The following RFX4 variants were observed in gnomAD, a reference collection of about 807,000 sequenced individuals.
The protein encoded by RFX4 is regulatory factor X4, also known as transcription factor RFX4.
Under a neutral mutation model 95.0 loss-of-function variants are expected in RFX4, and 10 were observed. The observed-to-expected ratio is 0.11, with a 90% CI of 0.06 to 0.18. RFX4 has a LOEUF of 0.18. Ranked by LOEUF, RFX4 falls within the 10% of genes least tolerant of loss-of-function variation. The probability of loss-of-function intolerance (pLI) is 1.00; values close to 1 mark genes in which losing one functional copy is unlikely to be tolerated. For synonymous variants in RFX4, 321 were observed against 340.7 expected (o/e 0.94, Z 0.64); for missense variants, 640 against 922.0 (o/e 0.69, Z 3.96).
intron 3 of RFX4, among the ~76,000 whole-genome samples, chr12:106,643,488 C>T (rs2040678534): frequency 6.6e-6 from 1 of 152,054 alleles, no homozygotes; most frequent in Admixed American, 6.5e-5. Context: ...AACATGTGAC[C>T]TCCTACGTAA....
chr12:106,646,041 T>G, intron 3 of RFX4: 1 of 902,204 alleles, frequency 1.1e-6, no homozygotes, highest in African/African-American at 1.7e-5. Flanking sequence ...TTTTGTGCTG[T>G]GGGTAAATGT....
chr12:106,713,732 A>G (rs1156563758), intron 10 of RFX4, among the ~76,000 whole-genome samples: 1 of 152,120 alleles, frequency 6.6e-6, no homozygotes, highest in Admixed American at 6.6e-5. Context: ...TTAAGAGGTA[A>G]GCACTAAGGC....
chr12:106,686,839 C>CT (rs56287989), intron 5 of RFX4, 45 bp from the exon 6 acceptor site: 57,377 of 1,322,244 alleles, frequency 0.043, 1 homozygote, highest in Non-Finnish European at 0.047. Context: ...GGGTCTCTCT[C>CT]TTTTTTTTTT....
At chr12:106,659,602 A>G (rs1241965966) in intron 4 of RFX4, among the ~76,000 whole-genome samples, 1 of 152,232 alleles carries the variant, frequency 6.6e-6, no homozygotes, top group Non-Finnish European at 1.5e-5. Flanking sequence ...GGCTTTCTGT[A>G]TACCTGGTAC....
intron 4 of RFX4, among the ~76,000 whole-genome samples, chr12:106,663,316 G>T (rs1160867825): frequency 6.6e-6 from 1 of 151,998 alleles, no homozygotes; most frequent in African/African-American, 2.4e-5. Flanking sequence ...TTGAGGGGAT[G>T]CTAACATAAA....
At chr12:106,605,703 A>C (rs1166087713) in intron 1 of RFX4, among the ~76,000 whole-genome samples, 1 of 152,226 alleles carries the variant, frequency 6.6e-6, no homozygotes, top group Non-Finnish European at 1.5e-5. Flanking sequence ...CTTCCAAGAA[A>C]GAGGTGAAAC....
chr12:106,678,392 G>C (rs866125613), intron 4 of RFX4, among the ~76,000 whole-genome samples: 2 of 152,124 alleles, frequency 1.3e-5, no homozygotes, highest in African/African-American at 4.8e-5. Context: ...GTAATCATAA[G>C]ACTTAGCAAC....
chr12:106,636,541 G>A (rs2040517306), intron 2 of RFX4, among the ~76,000 whole-genome samples: 1 of 152,194 alleles, frequency 6.6e-6, no homozygotes, highest in South Asian at 2.1e-4. Flanking sequence ...AGGCTTCAAA[G>A]AGTTGGTGGC....
At chr12:106,645,204 G>C (rs2040720875) in intron 3 of RFX4, among the ~76,000 whole-genome samples, 1 of 152,334 alleles carries the variant, frequency 6.6e-6, no homozygotes, top group South Asian at 2.1e-4. Flanking sequence ...TCGGTCACGA[G>C]GGTTAGTAAA....
chr12:106,587,108 C>T (rs1165288178), intron 1 of RFX4, among the ~76,000 whole-genome samples: 1 of 152,238 alleles, frequency 6.6e-6, no homozygotes, highest in Admixed American at 6.5e-5. Context: ...CCCGAGGCTG[C>T]AGCCCTTGAT....
intron 1 of RFX4, chr12:106,601,056 T>G: frequency 8.6e-7 from 1 of 1,157,614 alleles, no homozygotes; most frequent in Non-Finnish European, 1.1e-6. Context: ...CAATATTTGG[T>G]AAATGAGGGA....
intron 16 of RFX4, among the ~76,000 whole-genome samples, chr12:106,748,804 G>T (rs763162920): frequency 2.0e-5 from 3 of 151,868 alleles, no homozygotes; most frequent in Non-Finnish European, 4.4e-5. Flanking sequence ...TACAAAAATG[G>T]GCTGGGCGCA....
chr12:106,618,938 C>T (rs1312116062), intron 2 of RFX4, among the ~76,000 whole-genome samples: 1 of 152,066 alleles, frequency 6.6e-6, no homozygotes, highest in Non-Finnish European at 1.5e-5. Context: ...TTACAATATG[C>T]ATTTTTGCAT....
chr12:106,667,368 T>C (rs933189982), intron 4 of RFX4, among the ~76,000 whole-genome samples: 8 of 152,180 alleles, frequency 5.3e-5, no homozygotes, highest in Non-Finnish European at 1.0e-4. Context: ...AAAGCAGGCC[T>C]TGTTAAGAAG....
chr12:106,643,331 A>G (rs1037243333), intron 3 of RFX4, among the ~76,000 whole-genome samples: 4 of 152,182 alleles, frequency 2.6e-5, no homozygotes, highest in Non-Finnish European at 5.9e-5. Context: ...AAGGTGGCCC[A>G]TGTGGTTGGA....
intron 8 of RFX4, among the ~76,000 whole-genome samples, chr12:106,705,840 T>C (rs184451932): frequency 2.0e-5 from 3 of 152,300 alleles, no homozygotes; most frequent in African/African-American, 7.2e-5. Context: ...CAAGCATTTC[T>C]TATGTGCCTA....
rs1389950152 is a variant in RFX4 at position 106,761,661 on chromosome 12, C to A, written c.*192C>A. The A allele has an allele frequency of 3.5e-6, 1 of 281,708 alleles. No homozygotes were observed. Among genetic ancestry groups the A allele is most frequent in the Non-Finnish European group, 5.9e-6 (1 of 168,768 alleles). 17.5% of individuals were successfully genotyped at this position (281,708 alleles called of 1,614,324 possible). On this transcript the variant is annotated 3_prime_UTR_variant, in exon 18 of 18. Transcript: ENST00000392842. The stretch of plus-strand genomic sequence containing the variant: ...AATAAACTTTAGTTCAGAAACAGGA[C>A]TTACTAAAAGTCAGTGGGACTGGGT...
chr12:106,687,182 TCACACACACACACACACACACACA>T (rs56006444), intron 6 of RFX4, 85 bp downstream of exon 6: 30 of 547,110 alleles, frequency 5.5e-5, no homozygotes, highest in Non-Finnish European at 9.4e-5. Flanking sequence ...TCTCTCTCTC[TCACACACACACACACACACACACA>T]CACACACACA....
Position 106,720,713 on chromosome 12 carries a change from T to TGA in RFX4, c.1234-45_1234-44dup. The TGA allele has an allele frequency of 6.4e-7, 1 of 1,563,468 alleles. No individual in the cohort carries two copies. Among genetic ancestry groups the TGA allele is most frequent in the Non-Finnish European group, 8.8e-7 (1 of 1,134,286 alleles). ...CATTTTTCAAAGAGACAGTAATAAA[T>TGA]GAAAGGTCAAGTCGACCACTATTAA... On this transcript the variant is annotated intron_variant, in intron 12 of 17. Coordinates refer to ENST00000392842, the MANE Select transcript of RFX4 (RefSeq NM_213594.3). The surrounding 1 kb of genome is among the most constrained non-coding windows in gnomAD (Gnocchi z 4.2).
Sources: gnomAD v4.1 joint callset for allele counts (sites outside exome capture counted in the v4.1 genomes callset) on GRCh38, gnomAD v4.1.1 for gene constraint, Gnocchi (gnomAD v3.1) non-coding constraint, MANE v1.5 for transcripts, NCBI Gene and HGNC (gene_info 2026-07-23, HGNC 2026-07-21) for gene names.